Variants in DIAPH3 observed in about 807,000 individuals in gnomAD.
DIAPH3 encodes protein diaphanous homolog 3.
In DIAPH3, 117 loss-of-function variants were observed where a neutral mutation model predicts 144.3. The observed-to-expected ratio is 0.81, with a 90% CI of 0.70 to 0.95. The LOEUF is 0.95. Among genes scored for constraint, DIAPH3 ranks in the 40% least tolerant of loss-of-function variants. DIAPH3 has a pLI of 0.00. For synonymous variants in DIAPH3, 519 were observed against 488.9 expected (o/e 1.06, Z -0.81); for missense variants, 1,421 against 1,412.7 (o/e 1.01, Z -0.09).
At chr13:60,086,534 C>T (rs909303619) in intron 4 of DIAPH3, among the ~76,000 whole-genome samples, 4 of 151,732 alleles carry the variant, frequency 2.6e-5, no homozygotes, top group South Asian at 2.1e-4. Flanking sequence ...ATGTCAATCA[C>T]AAATTTTTTA....
chr13:60,128,036 T>G (rs917654874), intron 2 of DIAPH3, among the ~76,000 whole-genome samples: 1 of 152,090 alleles, frequency 6.6e-6, no homozygotes, highest in African/African-American at 2.4e-5. Flanking sequence ...TAATAGATAT[T>G]TTTTCTGATA....
chr13:60,010,481 C>A, intron 8 of DIAPH3, 52 bp downstream of exon 8: 1 of 1,483,942 alleles, frequency 6.7e-7, no homozygotes, highest in African/African-American at 1.4e-5. Flanking sequence ...TTAAATGAAT[C>A]AATCTGTATT....
chr13:59,676,762 TTA>T (rs1304020387), intron 27 of DIAPH3, among the ~76,000 whole-genome samples: 1 of 152,226 alleles, frequency 6.6e-6, no homozygotes, highest in African/African-American at 2.4e-5. Context: ...CCATGTAGAC[TTA>T]ATACTTCAGG....
intron 27 of DIAPH3, among the ~76,000 whole-genome samples, chr13:59,735,340 A>C (rs1359115241): frequency 6.6e-6 from 1 of 152,216 alleles, no homozygotes; most frequent in East Asian, 1.9e-4. Context: ...AAAAGAAAAC[A>C]ACACTGATCT....
chr13:60,087,468 C>T (rs1442741165), intron 4 of DIAPH3, among the ~76,000 whole-genome samples: 1 of 152,268 alleles, frequency 6.6e-6, no homozygotes, highest in East Asian at 1.9e-4. Context: ...TATAATTCTA[C>T]ACTTATGAAC....
In DIAPH3 at chr13:60,010,625, T is replaced by C. The variant is rs2053181368; in HGVS notation, c.816A>G (p.Leu272=). The C allele has an allele frequency of 1.9e-6, 3 of 1,613,882 alleles. No homozygotes were observed. In the East Asian group the frequency reaches 6.7e-5, roughly 36 times the overall value. Residue 272 remains leucine, a synonymous_variant, in exon 8 of 28, where the codon TTA becomes TTG. Transcript: ENST00000400324. ...RIMSEERSLS[L]LAKAVDPRHP... Reference sequence around the variant, plus strand: ...GTCTGGGATCCACGGCTTTGGCCAATAAGGAAAGGCTCCTCTCCTCACTCA... The same window carrying C: ...GTCTGGGATCCACGGCTTTGGCCAACAAGGAAAGGCTCCTCTCCTCACTCA...
intron 23 of DIAPH3, chr13:59,838,487 A>G (rs2042159835): frequency 6.6e-6 from 1 of 152,132 alleles, no homozygotes; most frequent in Admixed American, 6.6e-5. Context: ...TGACTATAAT[A>G]AACTCCATTT....
intron 20 of DIAPH3, among the ~76,000 whole-genome samples, chr13:59,881,041 G>A (rs2045001904): frequency 6.7e-6 from 1 of 150,112 alleles, no homozygotes; most frequent in East Asian, 2.0e-4. Flanking sequence ...AAGTTTAAGC[G>A]ATATGAAATT....
Position 59,980,831 on chromosome 13 carries a change from T to C in DIAPH3, c.1509A>G (p.Glu503=). ...GTTCTGATGCTTTCTCTTCAAACTC[T>C]TCTAGTTTTGCTTGATCTATGCAAA... ...VDICIDQAKL[E]EFEEKASELY... is the part of the protein sequence containing the mutation. The change falls in exon 14 of 28, where the codon GAA becomes GAG. Residue 503 remains glutamate (E), a synonymous_variant. Transcript: ENST00000400324. The C allele has an allele frequency of 5.0e-6, 8 of 1,609,654 alleles. No homozygotes were observed. Among genetic ancestry groups the C allele is most frequent in the Non-Finnish European group, 6.8e-6 (8 of 1,177,298 alleles).
intron 25 of DIAPH3, among the ~76,000 whole-genome samples, chr13:59,792,150 C>T (rs184343425): frequency 2.6e-4 from 40 of 152,328 alleles, no homozygotes; most frequent in African/African-American, 8.7e-4. Context: ...CTGCTCACCC[C>T]TTCTGGTAGA....
At chr13:59,907,365 C>T (rs2046791781) in intron 20 of DIAPH3, among the ~76,000 whole-genome samples, 1 of 152,130 alleles carries the variant, frequency 6.6e-6, no homozygotes, top group Admixed American at 6.6e-5. Context: ...AGATAGACCA[C>T]CTCTCAGGGC....
chr13:60,150,827 G>A (rs547128958), intron 1 of DIAPH3, among the ~76,000 whole-genome samples: 2 of 152,162 alleles, frequency 1.3e-5, no homozygotes, highest in Non-Finnish European at 2.9e-5. Flanking sequence ...TACCTTATGT[G>A]AGGTGTGAGG....
intron 4 of DIAPH3, among the ~76,000 whole-genome samples, chr13:60,051,216 G>C (rs1237070885): frequency 6.6e-6 from 1 of 152,036 alleles, no homozygotes; most frequent in Non-Finnish European, 1.5e-5. Context: ...GTATAATTTG[G>C]GGGGAGTGGG....
At chr13:60,006,245 C>T (rs1402639928) in intron 9 of DIAPH3, among the ~76,000 whole-genome samples, 3 of 152,130 alleles carry the variant, frequency 2.0e-5, no homozygotes, top group Admixed American at 6.5e-5. Context: ...ATAGTCGAAA[C>T]TTTCCAATAA....
intron 27 of DIAPH3, among the ~76,000 whole-genome samples, chr13:59,685,975 T>C (rs1027404118): frequency 7.2e-5 from 11 of 152,132 alleles, no homozygotes; most frequent in African/African-American, 2.4e-5. Flanking sequence ...AAGTTAACAT[T>C]GCAGTAGTTA....
At chr13:60,123,673 C>G (rs959678261) in intron 2 of DIAPH3, among the ~76,000 whole-genome samples, 1 of 152,124 alleles carries the variant, frequency 6.6e-6, no homozygotes, top group Admixed American at 6.6e-5. Context: ...CCAATCCATG[C>G]TGGTATTTCT....
At chr13:59,974,488 G>A in intron 14 of DIAPH3, 32 bp from the exon 15 acceptor site, 2 of 1,540,280 alleles carry the variant, frequency 1.3e-6, no homozygotes, top group Non-Finnish European at 1.8e-6. Flanking sequence ...AACAAAAACA[G>A]GAAGATGAAA....
chr13:59,993,467 C>A (rs143216638), intron 9 of DIAPH3, among the ~76,000 whole-genome samples: 14 of 151,692 alleles, frequency 9.2e-5, no homozygotes, highest in African/African-American at 3.4e-4. Context: ...ATGCTGTTCC[C>A]TAAATTGTCT....
intron 27 of DIAPH3, among the ~76,000 whole-genome samples, chr13:59,717,403 A>T (rs1330041878): frequency 1.3e-5 from 2 of 152,100 alleles, no homozygotes; most frequent in African/African-American, 4.8e-5. Flanking sequence ...CCATCCAGTG[A>T]TCCATGGTGG....
Sources: gnomAD v4.1 joint callset for allele counts (sites outside exome capture counted in the v4.1 genomes callset) on GRCh38, gnomAD v4.1.1 for gene constraint, MANE v1.5 for transcripts, NCBI Gene and HGNC (gene_info 2026-07-23, HGNC 2026-07-21) for gene names.